The following HSPA9 variants were observed in gnomAD, a reference collection of about 807,000 sequenced individuals.
The protein encoded by HSPA9 is stress-70 protein, mitochondrial.
In HSPA9, 28 loss-of-function variants were observed where a neutral mutation model predicts 81.5. The observed-to-expected ratio is 0.34, with a 90% CI of 0.25 to 0.47. The LOEUF is 0.47. Among genes scored for constraint, HSPA9 ranks in the 20% least tolerant of loss-of-function variants. The pLI, the probability that HSPA9 is intolerant of heterozygous loss-of-function variation, is 1.00. For synonymous variants in HSPA9, 293 were observed against 290.4 expected, an observed-to-expected ratio of 1.01 and a Z score of -0.09; for missense variants, 678 against 838.0, an observed-to-expected ratio of 0.81 and a Z score of 2.36.
chr5:138,572,649 C>T (rs188496804), intron 3 of HSPA9, among the ~76,000 whole-genome samples: 119 of 152,270 alleles, frequency 7.8e-4, no homozygotes, highest in Non-Finnish European at 1.0e-3. Context: ...CTTTTGCTTT[C>T]ATACTTCCTT....
chr5:138,558,074 A>G lies in HSPA9; in HGVS notation c.1516-88T>C, dbSNP rs1367622930. On this transcript the variant is annotated intron_variant, in intron 12 of 16. Transcript: ENST00000297185. ...AATCTATATGGTTTTCTAGTAAACA[A>G]GTCACTTGGTTCCTGGGAGAAACAA... 4.5e-6 allele frequency: 4 copies of G among 890,502 alleles called. No individual in the cohort carries two copies. In the East Asian group the frequency reaches 9.6e-5, roughly 21 times the overall value. The allele number at this position is 890,502 out of a possible 1,614,324, so 55.2% of individuals were successfully genotyped here. A position where few individuals can be genotyped will look rare whatever the true frequency, so the allele number is the denominator to read the frequency against.
At chr5:138,562,277 C>T (rs1750678015) in intron 9 of HSPA9, among the ~76,000 whole-genome samples, 1 of 148,722 alleles carries the variant, frequency 6.7e-6, no homozygotes, top group South Asian at 2.2e-4. Context: ...TTGCCGGGTG[C>T]AGTGGCTCAC....
At chr5:138,570,549 G>A (rs1210053911) in intron 4 of HSPA9, among the ~76,000 whole-genome samples, 1 of 152,128 alleles carries the variant, frequency 6.6e-6, no homozygotes, top group Non-Finnish European at 1.5e-5. Context: ...CAGTGGCAGT[G>A]ATCTCGGCTC....
Position 138,575,244 on chromosome 5 carries a change from G to A in HSPA9, c.75C>T (p.Arg25=). ...AAASRGPTAA[R]HQDSWNGLSH... is the part of the protein sequence containing the mutation. The stretch of plus-strand genomic sequence containing the variant: ...GAAGGTCCCAGTTCCTCACCTGGTG[G>A]CGGGCGGCCGTAGGGCCCCGGGAGG... The change falls in exon 1 of 17, where the codon CGC becomes CGT. Residue 25 remains arginine (R), a synonymous_variant. Coordinates refer to ENST00000297185, the MANE Select transcript of HSPA9 (RefSeq NM_004134.7). The A allele has an allele frequency of 6.2e-7, 1 of 1,601,610 alleles. No homozygotes were observed. Among genetic ancestry groups the A allele is most frequent in the South Asian group, 1.1e-5 (1 of 89,062 alleles).
At chr5:138,570,779 T>A in intron 4 of HSPA9, 181 bp downstream of exon 4, 1 of 627,884 alleles carries the variant, frequency 1.6e-6, no homozygotes. Context: ...GCCACTGCAC[T>A]GGCCAAAAAT....
At chr5:138,563,618 C>T (rs1444240434) in intron 9 of HSPA9, among the ~76,000 whole-genome samples, 1 of 152,194 alleles carries the variant, frequency 6.6e-6, no homozygotes, top group African/African-American at 2.4e-5. Context: ...CGACACATGA[C>T]CATGTTACTA....
Position 138,555,919 on chromosome 5 carries a change from A to G in HSPA9, c.*118T>C, listed in dbSNP as rs1750508750. On this transcript the variant is annotated 3_prime_UTR_variant, in exon 17 of 17. Coordinates refer to ENST00000297185, the MANE Select transcript of HSPA9 (RefSeq NM_004134.7). ...TAAATTTACAAATTAAGGAAATTATATATAGAATACTGCAAAAACACAGTA... is the reference window on the plus strand; with the variant it reads ...TAAATTTACAAATTAAGGAAATTATGTATAGAATACTGCAAAAACACAGTA... 4.1e-6 allele frequency: 3 copies of G among 735,734 alleles called. No homozygotes were observed. In the African/African-American group the frequency reaches 5.3e-5, roughly 13 times the overall value. 45.6% of individuals were successfully genotyped at this position (735,734 alleles called of 1,614,324 possible).
intron 14 of HSPA9, chr5:138,557,097 G>A (rs764044009): frequency 1.6e-6 from 1 of 609,950 alleles, no homozygotes; most frequent in Non-Finnish European, 2.9e-6. Flanking sequence ...TAAAGGCACT[G>A]CAAACATAAG....
At position 138,554,388 on chromosome 5, in the gene HSPA9, A is replaced by G. The variant is rs942500531; in HGVS notation, c.*1649T>C. On this transcript the variant is annotated 3_prime_UTR_variant, in exon 17 of 17. Transcript: ENST00000297185. ...TGGGCAAGGGCCAACCAAAAATGCT[A>G]AAAGTTATTTTCCAACACACCATAT... Among the ~76,000 whole-genome samples the G allele has an allele frequency of 1.8e-4, 28 of 152,194 alleles. No homozygotes were observed. The highest frequency in any genetic ancestry group is 6.8e-4 in the African/African-American group (28 of 41,446).
At position 138,555,891 on chromosome 5, in the gene HSPA9, C is replaced by T; in HGVS notation, c.*146G>A. On this transcript the variant is annotated 3_prime_UTR_variant, in exon 17 of 17. Coordinates refer to ENST00000297185, the MANE Select transcript of HSPA9 (RefSeq NM_004134.7). ...CATTAAATGATCACTAGCTAATGGTCACTAAATTTACAAATTAAGGAAATT... is the reference window on the plus strand; with the variant it reads ...CATTAAATGATCACTAGCTAATGGTTACTAAATTTACAAATTAAGGAAATT... 1 of 674,410 alleles carries T rather than the reference C, an allele frequency of 1.5e-6. No individual in the cohort carries two copies. The highest frequency in any genetic ancestry group is 2.7e-6 in the Non-Finnish European group (1 of 377,068). 41.8% of individuals were successfully genotyped at this position (674,410 alleles called of 1,614,324 possible).
chr5:138,556,379 C>G (rs1234440067), intron 16 of HSPA9, 73 bp downstream of exon 16: 11 of 1,534,870 alleles, frequency 7.2e-6, no homozygotes, highest in Middle Eastern at 2.2e-4. Flanking sequence ...ATGGAGGGAG[C>G]CACCAGTGAC....
At position 138,556,532 on chromosome 5, in the gene HSPA9, C is replaced by T. The variant is rs566717208; in HGVS notation, c.1882G>A (p.Glu628Lys). 1.4e-4 allele frequency: 234 copies of T among 1,614,050 alleles called. No homozygotes were observed. The highest frequency in any genetic ancestry group is 3.2e-4 in the African/African-American group (24 of 75,050). The change falls in exon 16 of 17, where the codon GAA becomes AAA. Residue 628 changes from glutamate (E) to lysine (K), a missense_variant. Around this residue, in one of 4 missense-constraint regions of HSPA9, gnomAD observed 100 missense variants for 99.5 expected, o/e 1.00. Coordinates refer to ENST00000297185, the MANE Select transcript of HSPA9 (RefSeq NM_004134.7). ...GCCTGTCTAATATTTTCTCCTGTTT[C>T]GCTGTCTTTTCTAGCCAGGAGCTCC... ...MRELLARKDS[E>K]TGENIRQAAS...
chr5:138,555,403 G>C lies in HSPA9; in HGVS notation c.*634C>G, dbSNP rs1306824274. 1.3e-5 allele frequency: 2 copies of C among 152,422 alleles called. No homozygotes were observed. Among genetic ancestry groups the C allele is most frequent in the Admixed American group, 1.3e-4 (2 of 15,316 alleles). 9.4% of individuals were successfully genotyped at this position (152,422 alleles called of 1,614,324 possible). Reference sequence around the variant, plus strand: ...AATGGGTAAGAGAACAATCATCAAGGATGTAGGTGCCAGACACAGGGCAGA... The same window carrying C: ...AATGGGTAAGAGAACAATCATCAAGCATGTAGGTGCCAGACACAGGGCAGA... On this transcript the variant is annotated 3_prime_UTR_variant, in exon 17 of 17. Coordinates refer to ENST00000297185, the MANE Select transcript of HSPA9 (RefSeq NM_004134.7).
At chr5:138,558,439 A>T in intron 12 of HSPA9, 114 bp downstream of exon 12, 3 of 774,348 alleles carry the variant, frequency 3.9e-6, no homozygotes, top group Non-Finnish European at 6.9e-6. Flanking sequence ...TCTTCTCAAG[A>T]CTACTCAGTA....
At chr5:138,572,034 G>A (rs1423573666) in intron 3 of HSPA9, among the ~76,000 whole-genome samples, 2 of 142,966 alleles carry the variant, frequency 1.4e-5, no homozygotes, top group Non-Finnish European at 3.0e-5. Flanking sequence ...ACGGCTCACT[G>A]CAGCATTGAC....
At chr5:138,557,293 G>T in intron 14 of HSPA9, 109 bp downstream of exon 14, 2 of 792,526 alleles carry the variant, frequency 2.5e-6, no homozygotes, top group Non-Finnish European at 4.4e-6. Context: ...TTGGCAGTGG[G>T]CTTACAGTGC....
intron 4 of HSPA9, 137 bp downstream of exon 4, chr5:138,570,823 G>T: frequency 1.2e-6 from 1 of 833,242 alleles, no homozygotes; most frequent in Non-Finnish European, 2.1e-6. Context: ...TTTGGCAGTG[G>T]TACAGATTTC....
chr5:138,567,894 C>G (rs932480955), intron 5 of HSPA9, among the ~76,000 whole-genome samples, 172 bp from the exon 6 acceptor site: 3 of 152,142 alleles, frequency 2.0e-5, no homozygotes, highest in African/African-American at 7.2e-5. Context: ...GGTTAAAAAC[C>G]CAAGATCAGG....
At chr5:138,565,908 G>A (rs972807281) in intron 9 of HSPA9, among the ~76,000 whole-genome samples, 2 of 152,114 alleles carry the variant, frequency 1.3e-5, no homozygotes, top group East Asian at 1.9e-4. Context: ...ACAATTAGCC[G>A]GGCTCAGTGG....
Sources: gnomAD v4.1 joint callset for allele counts (sites outside exome capture counted in the v4.1 genomes callset) on GRCh38, gnomAD v4.1.1 for gene constraint, gnomAD v4.1.1 regional missense constraint, MANE v1.5 for transcripts, NCBI Gene and HGNC (gene_info 2026-07-23, HGNC 2026-07-21) for gene names.